The following ZNF285 variants were observed in gnomAD, a reference collection of about 807,000 sequenced individuals.
ZNF285 encodes zinc finger protein 285A.
Under a neutral mutation model 6.2 loss-of-function variants are expected in ZNF285, and 4 were observed. The observed-to-expected ratio is 0.65, with a 90% CI of 0.32 to 1.49. The LOEUF (loss-of-function observed/expected upper bound fraction) is 1.49, where lower values mean the gene tolerates loss of function less well. Ranked by LOEUF, ZNF285 falls within the 40% of genes most tolerant of loss-of-function variation. The probability of loss-of-function intolerance (pLI) is 0.07; values close to 1 mark genes in which losing one functional copy is unlikely to be tolerated. For missense variants in ZNF285, 695 were observed against 708.8 expected (o/e 0.98, Z 0.22); for synonymous variants, 240 against 245.8 (o/e 0.98, Z 0.22).
At position 44,396,811 on chromosome 19, in the gene ZNF285, T is replaced by C. The variant is rs370130193; in HGVS notation, c.15+388A>G. Reference sequence around the variant, plus strand: ...TACCCATTCAAATCTTGCTACTTATTGAATGAGGCCAGTCACATTTAGAGT... The same window carrying C: ...TACCCATTCAAATCTTGCTACTTATCGAATGAGGCCAGTCACATTTAGAGT... On this transcript the variant is annotated intron_variant, in intron 2 of 3. Coordinates refer to ENST00000614994, the MANE Select transcript of ZNF285 (RefSeq NM_152354.6). The C allele has an allele frequency of 5.4e-3, 1,139 of 209,822 alleles. 16 individuals are homozygous for C. Among genetic ancestry groups the C allele is most frequent in the African/African-American group, 0.024 (1,031 of 43,612 alleles). The allele number at this position is 209,822 out of a possible 1,614,324, so 13.0% of individuals were successfully genotyped here. A position where few individuals can be genotyped will look rare whatever the true frequency, so the allele number is the denominator to read the frequency against.
chr19:44,400,536 G>A (rs892325325), intron 1 of ZNF285, among the ~76,000 whole-genome samples: 8 of 152,124 alleles, frequency 5.3e-5, no homozygotes, highest in Non-Finnish European at 1.2e-4. Flanking sequence ...CTCACAGCAT[G>A]TGAGGTGAGA....
intron 1 of ZNF285, among the ~76,000 whole-genome samples, chr19:44,398,008 A>T (rs1971313246): frequency 6.6e-6 from 1 of 152,172 alleles, no homozygotes; most frequent in Non-Finnish European, 1.5e-5. Context: ...GGTCTAAAGA[A>T]CATGCCGTTA....
intron 2 of ZNF285, among the ~76,000 whole-genome samples, chr19:44,396,305 C>T (rs562048615): frequency 1.2e-4 from 19 of 152,044 alleles, no homozygotes; most frequent in Non-Finnish European, 2.6e-4. Context: ...GATCATAATA[C>T]CATTTGCTCT....
At chr19:44,399,730 C>A (rs2571144) in intron 1 of ZNF285, among the ~76,000 whole-genome samples, 4 of 150,942 alleles carry the variant, frequency 2.7e-5, no homozygotes, top group African/African-American at 7.4e-5. Context: ...ACGAACCAGA[C>A]GGCACATTGA....
intron 2 of ZNF285, among the ~76,000 whole-genome samples, chr19:44,393,158 G>A (rs185394368): frequency 1.4e-3 from 215 of 152,246 alleles, no homozygotes; most frequent in Non-Finnish European, 2.1e-3. Flanking sequence ...GATACAAACT[G>A]AAATATTTAG....
intron 1 of ZNF285, 60 bp from the exon 2 acceptor site, chr19:44,397,316 T>G: frequency 6.3e-7 from 1 of 1,584,392 alleles, no homozygotes; most frequent in Non-Finnish European, 8.7e-7. Context: ...TGAACATTGG[T>G]TCCTTCCTTA....
At position 44,395,653 on chromosome 19, in the gene ZNF285, T is replaced by C. The variant is rs534705104; in HGVS notation, c.15+1546A>G. Among the ~76,000 whole-genome samples the C allele has an allele frequency of 2.0e-5, 3 of 152,278 alleles. No homozygotes were observed. The South Asian group carries it at 6.2e-4, about 32-fold the overall frequency. On this transcript the variant is annotated intron_variant, in intron 2 of 3. Coordinates refer to ENST00000614994, the MANE Select transcript of ZNF285 (RefSeq NM_152354.6). ...GAAATACACAGAGAGTGTGGTAAGT[T>C]AGACTGCTGTTTAGAAATATCCTCT...
intron 3 of ZNF285, among the ~76,000 whole-genome samples, 170 bp from the exon 4 acceptor site, chr19:44,388,272 G>T (rs980565569): frequency 4.6e-5 from 7 of 151,640 alleles, no homozygotes; most frequent in Non-Finnish European, 1.0e-4. Context: ...GAAATCAAGT[G>T]TTGTAGGGAA....
Position 44,390,328 on chromosome 19 carries a change from A to G in ZNF285, c.142+2012T>C, listed in dbSNP as rs565189873. On this transcript the variant is annotated intron_variant, in intron 3 of 3. Transcript: ENST00000614994. ...ACCATGGAAACCCACCTCTTACATGAGTGTGATCAGGATGCAAGACATAGA... is the reference window on the plus strand; with the variant it reads ...ACCATGGAAACCCACCTCTTACATGGGTGTGATCAGGATGCAAGACATAGA... Among the ~76,000 whole-genome samples the G allele has an allele frequency of 1.4e-3, 207 of 152,260 alleles. 2 individuals are homozygous for G. The highest frequency in any genetic ancestry group is 4.0e-3 in the African/African-American group (168 of 41,498).
At chr19:44,399,348 G>A (rs12971572) in intron 1 of ZNF285, among the ~76,000 whole-genome samples, 43,871 of 128,804 alleles carry the variant, frequency 0.34, 10,256 homozygotes, top group East Asian at 0.72. Flanking sequence ...AACCTACCAA[G>A]AAAACACTCC....
chr19:44,398,394 G>A (rs1971320609), intron 1 of ZNF285, among the ~76,000 whole-genome samples: 1 of 152,152 alleles, frequency 6.6e-6, no homozygotes, highest in African/African-American at 2.4e-5. Flanking sequence ...GAGATCCAGG[G>A]AAGGGACAAG....
At position 44,382,300 on chromosome 19, in the gene ZNF285, T is replaced by TC. The variant is rs1432594823; in HGVS notation, c.*4171_*4172insG. 3.5e-5 allele frequency: 5 copies of TC among 143,326 alleles called. No homozygotes were observed. Among genetic ancestry groups the TC allele is most frequent in the African/African-American group, 1.3e-4 (5 of 38,670 alleles). 8.9% of individuals were successfully genotyped at this position (143,326 alleles called of 1,614,324 possible). A position where few individuals can be genotyped will look rare whatever the true frequency, so the allele number is the denominator to read the frequency against. On this transcript the variant is annotated 3_prime_UTR_variant, in exon 4 of 4. Transcript: ENST00000614994. Reference sequence around the variant, plus strand: ...TCATCACACATAAGGGACTTTTTTTTTTTTTTTTTTTTTTTTGAGACAGAG... The same window carrying TC: ...TCATCACACATAAGGGACTTTTTTTTCTTTTTTTTTTTTTTTTGAGACAGAG...
rs761964602 is a variant in ZNF285, at chr19:44,387,629, G to A, written c.616C>T (p.His206Tyr). 6.2e-7 allele frequency: 1 copy of A among 1,613,858 alleles called. No homozygotes were observed. The highest frequency in any genetic ancestry group is 1.3e-5 in the African/African-American group (1 of 75,008). ...QECKGEDPGR[H>Y]PSCGKNLGMK... Reference sequence around the variant, plus strand: ...CCCAAGTTTTTCCCACAGCTGGGATGTCTACCAGGGTCCTCTCCTTTACAT... The same window carrying A: ...CCCAAGTTTTTCCCACAGCTGGGATATCTACCAGGGTCCTCTCCTTTACAT... The change falls in exon 4 of 4, where the codon CAT becomes TAT. Residue 206 changes from histidine to tyrosine, a missense_variant. By Grantham distance (83) the His-to-Tyr change is moderately conservative. Coordinates refer to ENST00000614994, the MANE Select transcript of ZNF285 (RefSeq NM_152354.6).
chr19:44,391,160 A>G (rs1169841564), intron 3 of ZNF285, among the ~76,000 whole-genome samples: 2 of 151,796 alleles, frequency 1.3e-5, no homozygotes, highest in South Asian at 2.1e-4. Context: ...CTCAAAAAAA[A>G]AAAAAAAAGA....
rs1461580186 is a variant in ZNF285, at chr19:44,391,082, A to G, written c.142+1258T>C. On this transcript the variant is annotated intron_variant, in intron 3 of 3. Coordinates refer to ENST00000614994, the MANE Select transcript of ZNF285 (RefSeq NM_152354.6). ...GGCAGGAGAATTGCTTGAACTTGGG[A>G]GGTGGAGGTTGCAGTGAGCCAAGAT... Among the ~76,000 whole-genome samples the G allele has an allele frequency of 3.3e-5, 5 of 150,414 alleles. No individual in the cohort carries two copies. The East Asian group carries it at 9.8e-4, about 30-fold the overall frequency.
intron 3 of ZNF285, among the ~76,000 whole-genome samples, chr19:44,388,511 G>T (rs2123266337): frequency 6.6e-6 from 1 of 152,080 alleles, no homozygotes; most frequent in East Asian, 1.9e-4. Context: ...GGCACAGGTT[G>T]CAGTGAGCCA....
intron 3 of ZNF285, among the ~76,000 whole-genome samples, chr19:44,390,477 A>G (rs911869907): frequency 6.6e-6 from 1 of 152,144 alleles, no homozygotes; most frequent in African/African-American, 2.4e-5. Flanking sequence ...TATTTACACA[A>G]TGCCTGTACC....
rs1971018046 is a variant in ZNF285 at position 44,382,404 on chromosome 19, T to G, written c.*4068A>C. The G allele has an allele frequency of 6.6e-6, 1 of 150,628 alleles. No individual in the cohort carries two copies. Among genetic ancestry groups the G allele is most frequent in the Non-Finnish European group, 1.5e-5 (1 of 67,834 alleles). The allele number at this position is 150,628 out of a possible 1,614,324, so 9.3% of individuals were successfully genotyped here. On this transcript the variant is annotated 3_prime_UTR_variant, in exon 4 of 4. Coordinates refer to ENST00000614994, the MANE Select transcript of ZNF285 (RefSeq NM_152354.6). ...ACCTCCACCTCCTGTGCTCAAGCGA[T>G]TCTCCTGCCTCAGCCTCCTGAGTAG...
In ZNF285 at chr19:44,397,295, C is replaced by A. The variant is rs748189614; in HGVS notation, c.-43-39G>T. On this transcript the variant is annotated intron_variant, in intron 1 of 3. Coordinates refer to ENST00000614994, the MANE Select transcript of ZNF285 (RefSeq NM_152354.6). The stretch of plus-strand genomic sequence containing the variant: ...ATAATCCATGAGATCATGGGTTCAA[C>A]AAGTTGTGAATGAACATTGGTTCCT... 28 of 1,608,468 alleles carry A rather than the reference C, an allele frequency of 1.7e-5. No homozygotes were observed. The African/African-American group carries it at 3.3e-4, about 19-fold the overall frequency.
Sources: gnomAD v4.1 joint callset for allele counts (sites outside exome capture counted in the v4.1 genomes callset) on GRCh38, gnomAD v4.1.1 for gene constraint, MANE v1.5 for transcripts, NCBI Gene and HGNC (gene_info 2026-07-23, HGNC 2026-07-21) for gene names.